Variants in NCALD observed in about 807,000 individuals in gnomAD.
NCALD encodes neurocalcin delta, also known as neurocalcin-delta.
Under a neutral mutation model 18.6 loss-of-function variants are expected in NCALD, and 10 were observed. That is an observed-to-expected ratio of 0.54 (90% confidence interval 0.33 to 0.91). The LOEUF is 0.91. Among genes scored for constraint, NCALD ranks in the 40% least tolerant of loss-of-function variants. The pLI, the probability that NCALD is intolerant of heterozygous loss-of-function variation, is 0.03. For synonymous variants in NCALD, 88 were observed against 87.4 expected, an observed-to-expected ratio of 1.01 and a Z score of -0.04; for missense variants, 184 against 247.6, an observed-to-expected ratio of 0.74 and a Z score of 1.72.
chr8:101,719,764 G>C, intron 1 of NCALD, 116 bp from the exon 2 acceptor site: 1 of 954,398 alleles, frequency 1.0e-6, no homozygotes, highest in Non-Finnish European at 1.5e-6. Flanking sequence ...AACTCTATAC[G>C]AGTCCAGTAA....
At chr8:101,799,809 T>A (rs1812774324) in intron 4 of NCALD, among the ~76,000 whole-genome samples, 1 of 152,104 alleles carries the variant, frequency 6.6e-6, no homozygotes, top group East Asian at 1.9e-4. Context: ...CTATAAAGGG[T>A]GGCAAGTAGG....
intron 1 of NCALD, among the ~76,000 whole-genome samples, chr8:102,086,125 G>T (rs1433299346): frequency 6.6e-6 from 1 of 152,110 alleles, no homozygotes; most frequent in Admixed American, 6.5e-5. Context: ...CTAAATTTGA[G>T]AAATTAAAAA....
chr8:101,850,518 G>T (rs572120993), intron 4 of NCALD, among the ~76,000 whole-genome samples: 118 of 152,242 alleles, frequency 7.8e-4, no homozygotes, highest in Non-Finnish European at 1.3e-3. Context: ...GGAAAGAAAA[G>T]GATCTGCAAA....
At chr8:101,799,596 T>C (rs763593075) in intron 4 of NCALD, among the ~76,000 whole-genome samples, 4 of 152,170 alleles carry the variant, frequency 2.6e-5, no homozygotes, top group Non-Finnish European at 5.9e-5. Flanking sequence ...AGTACTAAAA[T>C]TGAATGAACG....
At chr8:101,757,790 G>T (rs1401238847) in intron 1 of NCALD, among the ~76,000 whole-genome samples, 2 of 152,130 alleles carry the variant, frequency 1.3e-5, no homozygotes, top group Non-Finnish European at 2.9e-5. Context: ...CTGGGACACA[G>T]TAGGCCTTCA....
chr8:101,813,069 G>C (rs1438474669), intron 4 of NCALD, among the ~76,000 whole-genome samples: 2 of 152,078 alleles, frequency 1.3e-5, no homozygotes, highest in African/African-American at 4.8e-5. Context: ...TAGGCTGGGG[G>C]AGATAGCAGT....
chr8:102,049,729 A>G (rs1333021417), intron 1 of NCALD, among the ~76,000 whole-genome samples: 1 of 152,166 alleles, frequency 6.6e-6, no homozygotes, highest in African/African-American at 2.4e-5. Flanking sequence ...ACTGAATTGT[A>G]GATGTGCAGT....
intron 3 of NCALD, among the ~76,000 whole-genome samples, chr8:101,906,319 A>G (rs1266767672): frequency 6.6e-6 from 1 of 152,226 alleles, no homozygotes; most frequent in Non-Finnish European, 1.5e-5. Flanking sequence ...CCAAAACCAC[A>G]TTCTGATCCA....
intron 4 of NCALD, among the ~76,000 whole-genome samples, chr8:101,804,262 CATT>C (rs1812976879): frequency 7.5e-6 from 1 of 133,892 alleles, no homozygotes; most frequent in African/African-American, 3.0e-5. Context: ...TATAAAAATG[CATT>C]ATCTCTAAAT....
chr8:102,036,406 A>G lies in NCALD; in HGVS notation c.-209-16117T>C, dbSNP rs1246310677. On this transcript the variant is annotated intron_variant, in intron 1 of 6. Coordinates refer to the NCALD transcript ENST00000311028. ...AGTAAAGTTCAGGAAGCAATAATTT[A>G]TAAAGAATAAATGTAAACTGCTAAA... 2.6e-5 allele frequency among the ~76,000 whole-genome samples: 4 copies of G among 152,130 alleles called. No individual in the cohort carries two copies. The East Asian group carries it at 5.8e-4, about 22-fold the overall frequency.
At chr8:101,921,277 A>G (rs983361385) in intron 2 of NCALD, among the ~76,000 whole-genome samples, 2 of 152,052 alleles carry the variant, frequency 1.3e-5, no homozygotes, top group Admixed American at 6.6e-5. Flanking sequence ...AAAAAATCTC[A>G]AATTATATTA....
At position 102,032,211 on chromosome 8, in the gene NCALD, T is replaced by C. The variant is rs146207912; in HGVS notation, c.-209-11922A>G. ...GTGTATAAGATGGGTCTGTAGCAAG[T>C]CCTATGGATACAAGTAAGCCATATG... On this transcript the variant is annotated intron_variant, in intron 1 of 6. Transcript: ENST00000311028. Among the ~76,000 whole-genome samples the C allele has an allele frequency of 1.5e-3, 232 of 152,220 alleles. 2 individuals carry two copies. The Middle Eastern group carries it at 0.02, about 13-fold the overall frequency.
Position 101,687,573 on chromosome 8 carries a change from T to A in NCALD, c.*1736A>T, listed in dbSNP as rs1814524604. 1 of 152,422 alleles carries A rather than the reference T, an allele frequency of 6.6e-6. No homozygotes were observed. The highest frequency in any genetic ancestry group is 1.5e-5 in the Non-Finnish European group (1 of 68,036). The allele number at this position is 152,422 out of a possible 1,614,324, so 9.4% of individuals were successfully genotyped here. A position where few individuals can be genotyped will look rare whatever the true frequency, so the allele number is the denominator to read the frequency against. ...AATTACAGCAGACTCAAGTCATATA[T>A]AAAAACCTGGAGGTTAGCATGTCTA... is the stretch of plus-strand genomic sequence containing the variant. On this transcript the variant is annotated 3_prime_UTR_variant, in exon 4 of 4. Coordinates refer to ENST00000220931, the MANE Select transcript of NCALD (RefSeq NM_032041.3).
intron 1 of NCALD, among the ~76,000 whole-genome samples, chr8:102,067,684 C>A (rs1824053782): frequency 6.6e-6 from 1 of 152,150 alleles, no homozygotes; most frequent in Non-Finnish European, 1.5e-5. Flanking sequence ...ATCATTTATA[C>A]CCTCTGGAAT....
intron 4 of NCALD, among the ~76,000 whole-genome samples, chr8:101,880,192 G>A (rs1816426188): frequency 6.6e-6 from 1 of 152,170 alleles, no homozygotes; most frequent in African/African-American, 2.4e-5. Flanking sequence ...GCGCTGGTGG[G>A]CCGGCACTGC....
chr8:101,761,906 G>A (rs537428095), intron 1 of NCALD, among the ~76,000 whole-genome samples: 2 of 152,300 alleles, frequency 1.3e-5, no homozygotes, highest in South Asian at 2.1e-4. Context: ...TCGGGGCCTC[G>A]AATGTACATG....
chr8:101,707,334 T>C (rs899385516), intron 2 of NCALD, among the ~76,000 whole-genome samples: 1 of 152,210 alleles, frequency 6.6e-6, no homozygotes, highest in African/African-American at 2.4e-5. Context: ...GTTGTCTGAA[T>C]TGGTCAGGTG....
chr8:101,905,686 A>C (rs947813500), intron 3 of NCALD, among the ~76,000 whole-genome samples: 5 of 152,182 alleles, frequency 3.3e-5, no homozygotes, highest in African/African-American at 1.2e-4. Context: ...TCCCTCGATA[A>C]AGGAAGCTTC....
intron 1 of NCALD, among the ~76,000 whole-genome samples, chr8:101,731,190 G>T (rs1283474026): frequency 1.3e-5 from 2 of 152,160 alleles, no homozygotes; most frequent in Admixed American, 6.5e-5. Context: ...TCCAGGATGT[G>T]GCTAGAGTGG....
Sources: allele counts gnomAD v4.1 joint callset (sites outside exome capture counted in the v4.1 genomes callset), GRCh38; gene constraint gnomAD v4.1.1; transcripts MANE v1.5; gene names NCBI Gene and HGNC (gene_info 2026-07-23, HGNC 2026-07-21).